Variants in TSPAN12 observed in about 807,000 individuals in gnomAD.
TSPAN12 encodes the protein tetraspanin-12.
A neutral mutation model predicts 39.2 loss-of-function variants in TSPAN12; 19 were observed. The ratio of observed to expected loss-of-function variants is 0.49; its 90% CI spans 0.34 to 0.71. The LOEUF (loss-of-function observed/expected upper bound fraction) is 0.71. Ranked by LOEUF, TSPAN12 falls within the 30% of genes least tolerant of loss-of-function variation. The probability of loss-of-function intolerance (pLI) is 0.01; values close to 1 mark genes in which losing one functional copy is unlikely to be tolerated. For missense variants in TSPAN12, 314 were observed against 359.9 expected (o/e 0.87, Z 1.03); for synonymous variants, 119 against 124.8 (o/e 0.95, Z 0.31).
At chr7:120,797,845 C>G (rs1330939508) in intron 7 of TSPAN12, among the ~76,000 whole-genome samples, 1 of 152,204 alleles carries the variant, frequency 6.6e-6, no homozygotes, top group Non-Finnish European at 1.5e-5. Context: ...CCCCTACCAT[C>G]ACATGATTTA....
intron 4 of TSPAN12, among the ~76,000 whole-genome samples, chr7:120,820,777 T>G (rs975373922): frequency 3.3e-5 from 5 of 152,156 alleles, no homozygotes; most frequent in Non-Finnish European, 5.9e-5. Context: ...GTGGAAATAA[T>G]GAGTAGTTTA....
intron 7 of TSPAN12, among the ~76,000 whole-genome samples, chr7:120,799,614 ATAAT>A (rs1430003512): frequency 8.3e-6 from 1 of 119,828 alleles, no homozygotes; most frequent in East Asian, 2.1e-4. Flanking sequence ...AATTATATAT[ATAAT>A]TAAATATAAT....
chr7:120,856,595 G>A (rs1794874199), intron 2 of TSPAN12, 103 bp downstream of exon 2: 8 of 1,174,206 alleles, frequency 6.8e-6, no homozygotes, highest in Non-Finnish European at 1.0e-5. Flanking sequence ...GTTATCCCAT[G>A]TAATTAATTA....
intron 4 of TSPAN12, among the ~76,000 whole-genome samples, chr7:120,831,065 T>A (rs914855171): frequency 6.6e-6 from 1 of 151,934 alleles, no homozygotes; most frequent in Non-Finnish European, 1.5e-5. Context: ...AACATCACTG[T>A]TAGGAAAACA....
intron 4 of TSPAN12, among the ~76,000 whole-genome samples, chr7:120,831,850 T>G (rs961424935): frequency 6.6e-6 from 1 of 152,034 alleles, no homozygotes; most frequent in Non-Finnish European, 1.5e-5. Flanking sequence ...GTGGATGCAG[T>G]GGATATGTTA....
Position 120,853,282 on chromosome 7 carries a change from C to A in TSPAN12, c.66+3416G>T, listed in dbSNP as rs369727007. Among the ~76,000 whole-genome samples, 374 of 151,596 alleles carry A rather than the reference C, an allele frequency of 2.5e-3. 1 individual carries two copies. The highest frequency in any genetic ancestry group is 5.0e-3 in the South Asian group (24 of 4,790). On this transcript the variant is annotated intron_variant, in intron 2 of 7. Coordinates refer to ENST00000222747, the MANE Select transcript of TSPAN12 (RefSeq NM_012338.4). ...CTAATTTTTGTATTTTTAGTAGAGA[C>A]AGGGTTTCACCATGTTGGCCAGTAT...
At chr7:120,816,767 A>C (rs1165598676) in intron 4 of TSPAN12, among the ~76,000 whole-genome samples, 1 of 152,160 alleles carries the variant, frequency 6.6e-6, no homozygotes, top group East Asian at 1.9e-4. Flanking sequence ...TGATAAAATA[A>C]AGGCAAAGTT....
chr7:120,818,492 C>T (rs1794127785), intron 4 of TSPAN12, among the ~76,000 whole-genome samples: 2 of 151,914 alleles, frequency 1.3e-5, no homozygotes, highest in African/African-American at 4.8e-5. Flanking sequence ...TTTCTTTGTT[C>T]ATAATATTTG....
intron 7 of TSPAN12, among the ~76,000 whole-genome samples, chr7:120,791,676 G>A (rs1158945539): frequency 6.6e-6 from 1 of 151,484 alleles, no homozygotes; most frequent in Admixed American, 6.5e-5. Context: ...CAAGGCAGAG[G>A]TTGATAATTA....
intron 3 of TSPAN12, 38 bp downstream of exon 3, chr7:120,839,989 C>A (rs573679940): frequency 6.5e-7 from 1 of 1,542,532 alleles, no homozygotes; most frequent in Middle Eastern, 1.7e-4. Flanking sequence ...TACTTAAAAT[C>A]AGCAAGAAAG....
At chr7:120,815,126 G>T (rs1008397422) in intron 5 of TSPAN12, among the ~76,000 whole-genome samples, 2 of 152,096 alleles carry the variant, frequency 1.3e-5, no homozygotes, top group Admixed American at 6.6e-5. Flanking sequence ...GCAGCCTGTG[G>T]AATTAAAGAC....
chr7:120,823,401 C>G (rs1289580369), intron 4 of TSPAN12, among the ~76,000 whole-genome samples: 2 of 151,924 alleles, frequency 1.3e-5, no homozygotes, highest in African/African-American at 2.4e-5. Flanking sequence ...AACATAAATA[C>G]ACAAAACAAC....
chr7:120,800,060 G>A (rs1366535341), intron 7 of TSPAN12, among the ~76,000 whole-genome samples: 1 of 151,612 alleles, frequency 6.6e-6, no homozygotes, highest in Non-Finnish European at 1.5e-5. Context: ...TTAACAAAAA[G>A]TGTTGAGAAC....
At chr7:120,803,891 G>C (rs1793821220) in intron 7 of TSPAN12, among the ~76,000 whole-genome samples, 1 of 152,100 alleles carries the variant, frequency 6.6e-6, no homozygotes. Context: ...AAAGCAGTGA[G>C]GATGAATTGC....
chr7:120,849,385 G>A (rs73427815), intron 2 of TSPAN12, among the ~76,000 whole-genome samples: 1,801 of 152,198 alleles, frequency 0.012, 32 homozygotes, highest in African/African-American at 0.039. Flanking sequence ...ATGTGTATGC[G>A]CATTTCCTAA....
chr7:120,805,265 T>C (rs1475797412), intron 7 of TSPAN12, among the ~76,000 whole-genome samples: 1 of 152,104 alleles, frequency 6.6e-6, no homozygotes, highest in Non-Finnish European at 1.5e-5. Flanking sequence ...ATCACTTGTA[T>C]AGGTAGTACA....
intron 4 of TSPAN12, among the ~76,000 whole-genome samples, chr7:120,823,633 A>C (rs1424734940): frequency 6.6e-6 from 1 of 152,090 alleles, no homozygotes; most frequent in African/African-American, 2.4e-5. Flanking sequence ...CATCTTCCAT[A>C]AGGGGAAGCC....
At chr7:120,831,050 T>C (rs1034211450) in intron 4 of TSPAN12, among the ~76,000 whole-genome samples, 2 of 151,498 alleles carry the variant, frequency 1.3e-5, no homozygotes, top group Non-Finnish European at 3.0e-5. Context: ...TGAAAAAAAA[T>C]GCTCAACATC....
At chr7:120,854,722 C>T (rs544479326) in intron 2 of TSPAN12, among the ~76,000 whole-genome samples, 2 of 152,140 alleles carry the variant, frequency 1.3e-5, no homozygotes, top group South Asian at 2.1e-4. Flanking sequence ...CAAGAATTTA[C>T]ATGTATAGCA....
Sources: gnomAD v4.1 joint callset for allele counts (sites outside exome capture counted in the v4.1 genomes callset) on GRCh38, gnomAD v4.1.1 for gene constraint, MANE v1.5 for transcripts, NCBI Gene and HGNC (gene_info 2026-07-23, HGNC 2026-07-21) for gene names.